SLC14A2: variants seen among roughly 807,000 people sequenced by gnomAD.
The protein encoded by SLC14A2 is solute carrier family 14 member 2.
SLC14A2 carries 91 observed loss-of-function variants against 104.6 expected under a neutral mutation model. That is an observed-to-expected ratio of 0.87 (90% CI 0.73 to 1.04). The LOEUF (loss-of-function observed/expected upper bound fraction) is 1.04. SLC14A2 is among the 50% of genes least tolerant of loss of function. SLC14A2 has a pLI of 0.00. For synonymous variants in SLC14A2, 476 were observed against 466.4 expected, an observed-to-expected ratio of 1.02 and a Z score of -0.27; for missense variants, 1,189 against 1,156.0, an observed-to-expected ratio of 1.03 and a Z score of -0.41.
intron 1 of SLC14A2, among the ~76,000 whole-genome samples, chr18:45,338,660 C>A (rs2085360179): frequency 8.8e-6 from 1 of 114,274 alleles, no homozygotes; most frequent in Non-Finnish European, 1.6e-5. Context: ...TTCCCCAGGC[C>A]ATAGTAACTC....
intron 1 of SLC14A2, among the ~76,000 whole-genome samples, chr18:45,235,037 C>T (rs188644099): frequency 2.0e-5 from 3 of 151,758 alleles, no homozygotes; most frequent in Admixed American, 1.3e-4. Context: ...ATTGTGTAGA[C>T]GGGCATAGAA....
intron 2 of SLC14A2, among the ~76,000 whole-genome samples, chr18:45,586,502 G>T (rs2044568814): frequency 1.3e-5 from 2 of 152,330 alleles, no homozygotes; most frequent in African/African-American, 4.8e-5. Flanking sequence ...TTTGACTTAG[G>T]TTTGCAAAGG....
intron 1 of SLC14A2, among the ~76,000 whole-genome samples, chr18:45,215,800 C>T (rs886108977): frequency 2.6e-5 from 4 of 152,210 alleles, no homozygotes; most frequent in African/African-American, 7.2e-5. Flanking sequence ...TTCCCAGTAC[C>T]GGTTCTTTTT....
intron 2 of SLC14A2, among the ~76,000 whole-genome samples, chr18:45,536,178 G>A (rs1214399492): frequency 6.6e-6 from 1 of 152,224 alleles, no homozygotes; most frequent in East Asian, 1.9e-4. Flanking sequence ...GTTGTGCCCT[G>A]AGGTGGTGTC....
chr18:45,338,696 A>AAAAACAAAAC (rs2085361951), intron 1 of SLC14A2, among the ~76,000 whole-genome samples: 1 of 116,326 alleles, frequency 8.6e-6, no homozygotes, highest in African/African-American at 2.9e-5. Flanking sequence ...AAAAAAAAAA[A>AAAAACAAAAC]AAAAAAAAAA....
chr18:45,588,000 C>CT (rs530076542), intron 2 of SLC14A2, among the ~76,000 whole-genome samples: 2 of 151,934 alleles, frequency 1.3e-5, no homozygotes, highest in South Asian at 4.1e-4. Flanking sequence ...CAGGGGGGCG[C>CT]TAGGGCAGCA....
chr18:45,282,609 C>T (rs1375108162), intron 1 of SLC14A2, among the ~76,000 whole-genome samples: 2 of 152,168 alleles, frequency 1.3e-5, no homozygotes, highest in Non-Finnish European at 2.9e-5. Flanking sequence ...TGGGGCCAGG[C>T]TTATCTACCC....
chr18:45,682,624 T>C lies in SLC14A2; in HGVS notation c.*105T>C. The C allele has an allele frequency of 1.1e-6, 1 of 891,158 alleles. No homozygotes were observed. Among genetic ancestry groups the C allele is most frequent in the Non-Finnish European group, 1.9e-6 (1 of 538,058 alleles). 55.2% of individuals were successfully genotyped at this position (891,158 alleles called of 1,614,324 possible). ...CCTTCCCTTTGGTCTGTTCTGTGAC[T>C]CTCTCCCCAAACACAAAGAAGCGTG... On this transcript the variant is annotated 3_prime_UTR_variant, in exon 20 of 20. Transcript: ENST00000255226.
intron 1 of SLC14A2, among the ~76,000 whole-genome samples, chr18:45,412,799 A>G (rs1468334005): frequency 6.6e-6 from 1 of 152,040 alleles, no homozygotes; most frequent in African/African-American, 2.4e-5. Context: ...GGTTCTCACA[A>G]CCAAATGCTC....
intron 5 of SLC14A2, chr18:45,634,809 A>C (rs1568307139): frequency 6.6e-6 from 3 of 457,064 alleles, no homozygotes; most frequent in African/African-American, 2.0e-5. Context: ...TAAACAAATC[A>C]CTCTGTTTGC....
rs530193122 is a variant in SLC14A2 at position 45,539,827 on chromosome 18, C to T, written c.-35+56505C>T. Among the ~76,000 whole-genome samples, 16 of 151,210 alleles carry T rather than the reference C, an allele frequency of 1.1e-4. No homozygotes were observed. In the East Asian group the frequency reaches 3.1e-3, roughly 29 times the overall value. ...AGGGTAATAAATAACATGAAATGGG[C>T]CCTTCAGTATTAAAAACTTCAGAGC... is the stretch of plus-strand genomic sequence containing the variant. On this transcript the variant is annotated intron_variant, in intron 2 of 20. Coordinates refer to the SLC14A2 transcript ENST00000586448.
chr18:45,368,910 C>T (rs2247334), intron 1 of SLC14A2, among the ~76,000 whole-genome samples: 1 of 151,938 alleles, frequency 6.6e-6, no homozygotes, highest in Non-Finnish European at 1.5e-5. Context: ...GCCATTCAGC[C>T]GTAGAAGCAC....
At chr18:45,520,537 T>G (rs1598954090) in intron 2 of SLC14A2, among the ~76,000 whole-genome samples, 1 of 152,244 alleles carries the variant, frequency 6.6e-6, no homozygotes, top group African/African-American at 2.4e-5. Flanking sequence ...GTTGCATTTA[T>G]TTCTGTTCTT....
chr18:45,512,465 A>G (rs1265016982), intron 2 of SLC14A2, among the ~76,000 whole-genome samples: 1 of 152,190 alleles, frequency 6.6e-6, no homozygotes, highest in Non-Finnish European at 1.5e-5. Context: ...AGTTTAAAAG[A>G]GAGAGAGGCT....
chr18:45,627,870 C>T lies in SLC14A2; in HGVS notation c.521+723C>T, dbSNP rs530572727. Among the ~76,000 whole-genome samples the T allele has an allele frequency of 3.0e-4, 45 of 151,966 alleles. No individual in the cohort carries two copies. In the East Asian group the frequency reaches 8.5e-3, roughly 29 times the overall value. ...ACTACAAATACAAAAATCAGCTGTG[C>T]ATGGTCGTGCATGCCTGTAATCCCA... On this transcript the variant is annotated intron_variant, in intron 4 of 19. Transcript: ENST00000255226.
intron 2 of SLC14A2, among the ~76,000 whole-genome samples, chr18:45,506,343 G>A (rs1235476854): frequency 6.6e-6 from 1 of 152,168 alleles, no homozygotes; most frequent in African/African-American, 2.4e-5. Flanking sequence ...CACACCAGCA[G>A]AGCCACTATC....
chr18:45,449,996 C>T (rs1381190230), intron 1 of SLC14A2, among the ~76,000 whole-genome samples: 2 of 152,218 alleles, frequency 1.3e-5, no homozygotes, highest in Admixed American at 1.3e-4. Context: ...CAGCTGGCAT[C>T]GGTCCCATGA....
intron 2 of SLC14A2, among the ~76,000 whole-genome samples, chr18:45,553,256 A>G (rs2000912): frequency 0.21 from 31,759 of 152,208 alleles, 3,328 homozygotes; most frequent in African/African-American, 0.21. Context: ...GCTTCCATAC[A>G]TTTGAAAAAG....
At position 45,683,306 on chromosome 18, in the gene SLC14A2, T is replaced by C. The variant is rs1174585891; in HGVS notation, c.*787T>C. 6.6e-6 allele frequency: 1 copy of C among 152,216 alleles called. No individual in the cohort carries two copies. Among genetic ancestry groups the C allele is most frequent in the Non-Finnish European group, 1.5e-5 (1 of 68,062 alleles). 9.4% of individuals were successfully genotyped at this position (152,216 alleles called of 1,614,324 possible). Reference sequence around the variant, plus strand: ...CCCACTCTCCACCTCCATTTCTTAATCAGTTTCATGACAGGGAAGGATTTG... The same window carrying C: ...CCCACTCTCCACCTCCATTTCTTAACCAGTTTCATGACAGGGAAGGATTTG... On this transcript the variant is annotated 3_prime_UTR_variant, in exon 20 of 20. Coordinates refer to ENST00000255226, the MANE Select transcript of SLC14A2 (RefSeq NM_007163.4).
Sources: allele counts gnomAD v4.1 joint callset (sites outside exome capture counted in the v4.1 genomes callset), GRCh38; gene constraint gnomAD v4.1.1; transcripts MANE v1.5; gene names NCBI Gene and HGNC (gene_info 2026-07-23, HGNC 2026-07-21).